The following CXADR variants were observed in gnomAD, a reference collection of about 807,000 sequenced individuals.
CXADR encodes coxsackievirus and adenovirus receptor.
Under a neutral mutation model 40.3 loss-of-function variants are expected in CXADR, and 20 were observed. That is an observed-to-expected ratio of 0.50 (90% CI 0.35 to 0.72). The LOEUF is 0.72. Among genes scored for constraint, CXADR ranks in the 30% least tolerant of loss-of-function variants. CXADR has a pLI of 0.01. For synonymous variants in CXADR, 150 were observed against 161.3 expected, an observed-to-expected ratio of 0.93 and a Z score of 0.53; for missense variants, 332 against 449.1, an observed-to-expected ratio of 0.74 and a Z score of 2.36.
At chr21:17,593,272 T>A (rs1307404799) in exon 8 of CXADR, 7 of 1,242,944 alleles carry the variant, frequency 5.6e-6, no homozygotes, top group East Asian at 3.0e-5. Flanking sequence ...AAATGTTTTT[T>A]AAAAAAAGCA....
chr21:17,602,953 T>C, the CXADR span, among the ~76,000 whole-genome samples: 87 of 152,358 alleles, frequency 5.7e-4, no homozygotes, highest in African/African-American at 1.9e-3. Context: ...AACTATTTGA[T>C]TGTGTGATAA....
At chr21:17,634,485 C>G in the CXADR span, among the ~76,000 whole-genome samples, 1 of 152,138 alleles carries the variant, frequency 6.6e-6, no homozygotes, top group African/African-American at 2.4e-5. Flanking sequence ...TCAGAACTTA[C>G]AAAAATATGA....
chr21:17,598,689 T>G, the CXADR span: 4 of 1,614,178 alleles, frequency 2.5e-6, no homozygotes, highest in African/African-American at 1.3e-5. Flanking sequence ...TTTCTTCATC[T>G]GAAGAAGAGG....
chr21:17,564,838 G>A (rs933085334), intron 6 of CXADR, among the ~76,000 whole-genome samples: 3 of 152,082 alleles, frequency 2.0e-5, no homozygotes, highest in Non-Finnish European at 2.9e-5. Context: ...GGGTTCAAGC[G>A]ATTCTCCTGC....
intron 1 of CXADR, chr21:17,518,902 G>A (rs2060494150): frequency 1.3e-6 from 2 of 1,578,532 alleles, no homozygotes; most frequent in Non-Finnish European, 1.7e-6. Context: ...ATCAGCCATG[G>A]CTGTTTTATG....
At chr21:17,595,696 CAAT>C (rs146501528), downstream of CXADR, among the ~76,000 whole-genome samples, 1,924 of 151,870 alleles carry the variant, frequency 0.013, 46 homozygotes, top group African/African-American at 0.044. Context: ...ATTAAAAAAA[CAAT>C]GATACACAAC....
intron 4 of CXADR, among the ~76,000 whole-genome samples, chr21:17,559,674 T>TG (rs2061085778): frequency 7.0e-6 from 1 of 143,858 alleles, no homozygotes; most frequent in African/African-American, 2.6e-5. Flanking sequence ...TTTGGGTTTT[T>TG]TTTTTTTTTT....
chr21:17,547,855 A>T (rs2060918539), intron 2 of CXADR, among the ~76,000 whole-genome samples: 1 of 152,220 alleles, frequency 6.6e-6, no homozygotes, highest in South Asian at 2.1e-4. Context: ...TAAATTTAAA[A>T]AATCTTAAAA....
At chr21:17,589,159 A>G (rs1168006690) in intron 7 of CXADR, among the ~76,000 whole-genome samples, 1 of 152,094 alleles carries the variant, frequency 6.6e-6, no homozygotes, top group Non-Finnish European at 1.5e-5. Context: ...CATATTATAT[A>G]TAATGGGAAC....
At position 17,513,064 on chromosome 21, in the gene CXADR, G is replaced by C. The variant is rs1050752721; in HGVS notation, c.-66G>C. The C allele has an allele frequency of 1.1e-4, 146 of 1,306,894 alleles. No individual in the cohort carries two copies. Among genetic ancestry groups the C allele is most frequent in the Non-Finnish European group, 1.4e-4 (140 of 1,020,340 alleles). The allele number at this position is 1,306,894 out of a possible 1,614,324, so 81.0% of individuals were successfully genotyped here. ...AGCCAGTCGGGAGCGCGCGAGGCGC[G>C]GGGAGCCTGGGACCAGGAGCGAGAG... On this transcript the variant is annotated 5_prime_UTR_variant, in exon 1 of 7. Coordinates refer to ENST00000284878, the MANE Select transcript of CXADR (RefSeq NM_001338.5).
chr21:17,548,715 C>T (rs951117268), intron 2 of CXADR, among the ~76,000 whole-genome samples: 5 of 152,214 alleles, frequency 3.3e-5, no homozygotes, highest in African/African-American at 9.7e-5. Flanking sequence ...GACCAAGAAG[C>T]ACTGTGCCCT....
downstream of CXADR, among the ~76,000 whole-genome samples, chr21:17,596,407 G>A (rs570981900): frequency 5.9e-5 from 9 of 152,012 alleles, no homozygotes; most frequent in East Asian, 3.9e-4. Flanking sequence ...TTCTAAAAGC[G>A]TCAGAGATTT....
chr21:17,545,532 TCCTCCTGCCTCAG>T (rs2060885305), intron 1 of CXADR, among the ~76,000 whole-genome samples: 1 of 152,058 alleles, frequency 6.6e-6, no homozygotes. Context: ...GTTCAAGCGA[TCCTCCTGCCTCAG>T]CCTCCTGAGT....
chr21:17,525,423 CCT>C (rs1305631922), intron 1 of CXADR, among the ~76,000 whole-genome samples: 2 of 152,298 alleles, frequency 1.3e-5, no homozygotes, highest in African/African-American at 2.4e-5. Context: ...TGTTTGAAGT[CCT>C]CTCAAGGAAT....
chr21:17,530,439 T>C, intron 1 of CXADR: 1 of 456,338 alleles, frequency 2.2e-6, no homozygotes, highest in Non-Finnish European at 4.4e-6. Flanking sequence ...TGTGTGATAT[T>C]CTATTATGTG....
At chr21:17,546,913 A>G in intron 1 of CXADR, 114 bp from the exon 2 acceptor site, 1 of 1,305,216 alleles carries the variant, frequency 7.7e-7, no homozygotes, top group South Asian at 1.4e-5. Flanking sequence ...CTCGGGACCC[A>G]AACCCCGTCC....
intron 7 of CXADR, among the ~76,000 whole-genome samples, chr21:17,584,793 T>G (rs909978017): frequency 1.3e-5 from 2 of 152,166 alleles, no homozygotes; most frequent in Non-Finnish European, 2.9e-5. Context: ...ATTGCACCAC[T>G]GCGCTCCACC....
At position 17,547,058 on chromosome 21, in the gene CXADR, T is replaced by C; in HGVS notation, c.75T>C (p.Pro25=). 1 of 1,613,206 alleles carries C rather than the reference T, an allele frequency of 6.2e-7. No homozygotes were observed. The highest frequency in any genetic ancestry group is 8.5e-7 in the Non-Finnish European group (1 of 1,179,902). Residue 25 remains proline (P), a synonymous_variant, in exon 2 of 7, where the codon CCT becomes CCC. Transcript: ENST00000284878. ...CCAGAAGTTTGAGTATCACTACTCC[T>C]GAAGAGATGATTGAAAAAGCCAAAG... The part of the protein sequence containing the change: ...DFARSLSITT[P]EEMIEKAKGE...
At chr21:17,553,616 T>C (rs1431571163) in intron 3 of CXADR, among the ~76,000 whole-genome samples, 1 of 2,420 alleles carries the variant, frequency 4.1e-4, no homozygotes, top group Non-Finnish European at 8.1e-4. Flanking sequence ...TCCGAATTCT[T>C]TTTTTTTTTT....
Sources: allele counts gnomAD v4.1 joint callset (sites outside exome capture counted in the v4.1 genomes callset), GRCh38; gene constraint gnomAD v4.1.1; transcripts MANE v1.5; gene names NCBI Gene and HGNC (gene_info 2026-07-23, HGNC 2026-07-21).